MED27: variants seen among roughly 807,000 people sequenced by gnomAD.
The protein encoded by MED27 is mediator complex subunit 27, also known as mediator of RNA polymerase II transcription subunit 27.
In MED27, 30 loss-of-function variants were observed where a neutral mutation model predicts 38.2. That is an observed-to-expected ratio of 0.79 (90% CI 0.59 to 1.07). The LOEUF is 1.07. Ranked by LOEUF, MED27 falls within the 50% of genes least tolerant of loss-of-function variation. The pLI, the probability that MED27 is intolerant of heterozygous loss-of-function variation, is 0.00. For synonymous variants in MED27, 122 were observed against 153.5 expected, an observed-to-expected ratio of 0.79 and a Z score of 1.52; for missense variants, 289 against 397.5, an observed-to-expected ratio of 0.73 and a Z score of 2.32.
chr9:132,008,402 G>A lies in MED27; in HGVS notation c.479+5935C>T, dbSNP rs77705035. ...AGCCTCTCAGCCTCTTTACGGAAAC[G>A]ATAGCACCCCTTGTGCAAAAACCTT... is the stretch of plus-strand genomic sequence containing the variant. On this transcript the variant is annotated intron_variant, in intron 3 of 7. Transcript: ENST00000292035. 1.0e-3 allele frequency among the ~76,000 whole-genome samples: 154 copies of A among 152,316 alleles called. 1 individual carries two copies. The East Asian group carries it at 0.026, about 25-fold the overall frequency.
intron 3 of MED27, among the ~76,000 whole-genome samples, chr9:131,990,332 C>T (rs528474398): frequency 3.3e-5 from 5 of 152,294 alleles, no homozygotes; most frequent in African/African-American, 1.2e-4. Context: ...ATTCCTTCAT[C>T]CTCTGTTTTA....
At chr9:131,981,345 GAC>G (rs574135121) in intron 3 of MED27, among the ~76,000 whole-genome samples, 70 of 152,288 alleles carry the variant, frequency 4.6e-4, no homozygotes, top group African/African-American at 1.6e-3. Flanking sequence ...ACTGGCGTAA[GAC>G]ATGTGTAAAG....
intron 2 of MED27, among the ~76,000 whole-genome samples, chr9:132,039,060 CTT>C (rs1833147053): frequency 6.6e-6 from 1 of 152,198 alleles, no homozygotes; most frequent in African/African-American, 2.4e-5. Flanking sequence ...ATTTTGGTCT[CTT>C]TGCCTTGAAC....
chr9:131,913,972 C>G lies in MED27; in HGVS notation c.574-19980G>C, dbSNP rs1020179611. Among the ~76,000 whole-genome samples the G allele has an allele frequency of 6.6e-6, 1 of 152,132 alleles. No homozygotes were observed. Among genetic ancestry groups the G allele is most frequent in the Non-Finnish European group, 1.5e-5 (1 of 68,034 alleles). ...CATTCATTCATTCAACAGCTCTTAA[C>G]AGAACGCTTCCTTTGTGCCAGGTGC... On this transcript the variant is annotated intron_variant, in intron 4 of 7. Transcript: ENST00000292035. The surrounding 1 kb of genome is among the most constrained non-coding windows in gnomAD (Gnocchi z 4.5).
rs982715942 is a variant in MED27, at chr9:131,948,456, C to T, written c.480-8982G>A. Among the ~76,000 whole-genome samples, 5 of 151,460 alleles carry T rather than the reference C, an allele frequency of 3.3e-5. No individual in the cohort carries two copies. In the South Asian group the frequency reaches 6.3e-4, roughly 19 times the overall value. On this transcript the variant is annotated intron_variant, in intron 3 of 7. Transcript: ENST00000292035. ...GAGCCAAGATTATGCCACTGCACTC[C>T]GGCCTGGGTGATAGACACTCCGTCT...
At chr9:131,887,147 T>C (rs1839154736) in intron 5 of MED27, among the ~76,000 whole-genome samples, 1 of 152,208 alleles carries the variant, frequency 6.6e-6, no homozygotes, top group Admixed American at 6.5e-5. Flanking sequence ...ATAGTTTTTA[T>C]TTAAAAGTTA....
chr9:131,891,334 T>A (rs1012967483), intron 5 of MED27, among the ~76,000 whole-genome samples: 1 of 152,262 alleles, frequency 6.6e-6, no homozygotes, highest in African/African-American at 2.4e-5. Context: ...AGGCAGAGGC[T>A]GCGCCATGAG....
At chr9:131,973,501 A>G (rs1346138973) in intron 3 of MED27, among the ~76,000 whole-genome samples, 1 of 126,878 alleles carries the variant, frequency 7.9e-6, no homozygotes, top group Non-Finnish European at 1.6e-5. Flanking sequence ...CTCTGTCACC[A>G]GGCTGGAGTG....
intron 2 of MED27, among the ~76,000 whole-genome samples, chr9:132,035,408 T>C (rs779509494): frequency 3.3e-5 from 5 of 151,894 alleles, no homozygotes; most frequent in African/African-American, 1.2e-4. Flanking sequence ...AGAGGAGAGA[T>C]AGGACAGACA....
At chr9:131,864,095 G>A (rs901075576) in intron 6 of MED27, among the ~76,000 whole-genome samples, 13 of 152,190 alleles carry the variant, frequency 8.5e-5, no homozygotes, top group African/African-American at 2.7e-4. Flanking sequence ...CAGCATATGA[G>A]TAGATTATAC....
intron 6 of MED27, among the ~76,000 whole-genome samples, chr9:131,876,771 C>T (rs576051803): frequency 1.6e-4 from 24 of 152,170 alleles, no homozygotes; most frequent in Non-Finnish European, 3.1e-4. Context: ...AGCGGGCTCA[C>T]GCACAAATCT....
At position 131,913,978 on chromosome 9, in the gene MED27, G is replaced by C. The variant is rs1830238120; in HGVS notation, c.574-19986C>G. Among the ~76,000 whole-genome samples, 1 of 152,134 alleles carries C rather than the reference G, an allele frequency of 6.6e-6. No homozygotes were observed. On this transcript the variant is annotated intron_variant, in intron 4 of 7. Coordinates refer to ENST00000292035, the MANE Select transcript of MED27 (RefSeq NM_004269.4). The surrounding 1 kb of genome is among the most constrained non-coding windows in gnomAD (Gnocchi z 4.5). ...TTCATTCAACAGCTCTTAACAGAACGCTTCCTTTGTGCCAGGTGCAGTTCT... is the reference window on the plus strand; with the variant it reads ...TTCATTCAACAGCTCTTAACAGAACCCTTCCTTTGTGCCAGGTGCAGTTCT...
chr9:132,079,578 C>A, intron 1 of MED27, 64 bp downstream of exon 1: 2 of 1,499,182 alleles, frequency 1.3e-6, no homozygotes, highest in East Asian at 4.5e-5. Flanking sequence ...AAGACTCGAG[C>A]GACGTAGGGG....
At chr9:131,876,465 TG>T (rs1210988532) in intron 6 of MED27, among the ~76,000 whole-genome samples, 4 of 152,322 alleles carry the variant, frequency 2.6e-5, no homozygotes, top group African/African-American at 9.6e-5. Context: ...GGAAAGGTAC[TG>T]GGGCGGCGTA....
At chr9:131,949,966 A>C (rs1314711121) in intron 3 of MED27, among the ~76,000 whole-genome samples, 3 of 151,670 alleles carry the variant, frequency 2.0e-5, no homozygotes, top group Non-Finnish European at 2.9e-5. Context: ...TTAATAACTA[A>C]AAATATTAAT....
intron 3 of MED27, among the ~76,000 whole-genome samples, chr9:131,965,337 T>C (rs1208169639): frequency 6.6e-6 from 1 of 152,226 alleles, no homozygotes; most frequent in Non-Finnish European, 1.5e-5. Context: ...CTGACTCTCA[T>C]GAACAAAGCA....
chr9:132,017,164 G>A (rs1228059449), intron 2 of MED27, among the ~76,000 whole-genome samples: 1 of 152,164 alleles, frequency 6.6e-6, no homozygotes, highest in African/African-American at 2.4e-5. Flanking sequence ...AAAGGTCAAA[G>A]TTAATAAAAC....
At chr9:131,918,633 C>G (rs1203343309) in intron 4 of MED27, among the ~76,000 whole-genome samples, 1 of 151,892 alleles carries the variant, frequency 6.6e-6, no homozygotes, top group Non-Finnish European at 1.5e-5. Flanking sequence ...GGTTTAATGC[C>G]CAAGCATTTT....
intron 2 of MED27, among the ~76,000 whole-genome samples, chr9:132,019,482 G>A (rs1245166833): frequency 6.6e-6 from 1 of 152,174 alleles, no homozygotes; most frequent in Non-Finnish European, 1.5e-5. Flanking sequence ...TGCCCAGAAA[G>A]TGGGTATGTT....
Sources: gnomAD v4.1 joint callset for allele counts (sites outside exome capture counted in the v4.1 genomes callset) on GRCh38, gnomAD v4.1.1 for gene constraint, Gnocchi (gnomAD v3.1) non-coding constraint, MANE v1.5 for transcripts, NCBI Gene and HGNC (gene_info 2026-07-23, HGNC 2026-07-21) for gene names.